The following FUT8 variants were observed in gnomAD, a reference collection of about 807,000 sequenced individuals.
FUT8 encodes fucosyltransferase 8.
In FUT8, 29 loss-of-function variants were observed where a neutral mutation model predicts 71.3. The observed-to-expected ratio is 0.41, with a 90% CI of 0.30 to 0.55. The LOEUF (loss-of-function observed/expected upper bound fraction) is 0.55, where lower values mean the gene tolerates loss of function less well. Among genes scored for constraint, FUT8 ranks in the 20% least tolerant of loss-of-function variants. The probability of loss-of-function intolerance (pLI) is 0.34; values close to 1 mark genes in which losing one functional copy is unlikely to be tolerated. For synonymous variants in FUT8, 254 were observed against 239.3 expected, an observed-to-expected ratio of 1.06 and a Z score of -0.57; for missense variants, 544 against 702.1, an observed-to-expected ratio of 0.77 and a Z score of 2.55.
intron 10 of FUT8, among the ~76,000 whole-genome samples, chr14:65,736,679 A>G (rs932225885): frequency 1.3e-5 from 2 of 152,024 alleles, no homozygotes; most frequent in Non-Finnish European, 2.9e-5. Context: ...TTTCCTATAT[A>G]TGTCATAAGC....
At chr14:65,527,368 C>T (rs1883560517) in intron 2 of FUT8, among the ~76,000 whole-genome samples, 1 of 152,220 alleles carries the variant, frequency 6.6e-6, no homozygotes, top group South Asian at 2.1e-4. Context: ...GCTACTGAAG[C>T]TTGTGCATGT....
the FUT8 span, among the ~76,000 whole-genome samples, chr14:65,388,954 A>G: frequency 6.6e-6 from 1 of 151,466 alleles, no homozygotes; most frequent in Non-Finnish European, 1.5e-5. Flanking sequence ...ATATATATAA[A>G]TGAATATGTT....
Position 65,610,437 on chromosome 14 carries a change from T to C in FUT8, c.204-5541T>C, listed in dbSNP as rs571928126. Among the ~76,000 whole-genome samples, 153 of 151,582 alleles carry C rather than the reference T, an allele frequency of 1.0e-3. 3 individuals carry two copies. Among genetic ancestry groups the C allele is most frequent in the African/African-American group, 3.7e-3 (151 of 41,332 alleles). On this transcript the variant is annotated intron_variant, in intron 3 of 10. Coordinates refer to ENST00000673929, the MANE Select transcript of FUT8 (RefSeq NM_001371533.1). ...AAAGTTTCGCTCTTGTTGCCCTGGC[T>C]GGAGTGCAATGGCACAATCTCGGCT... is the stretch of plus-strand genomic sequence containing the variant.
At chr14:65,544,836 A>G (rs893747997) in intron 2 of FUT8, among the ~76,000 whole-genome samples, 3 of 152,162 alleles carry the variant, frequency 2.0e-5, no homozygotes, top group African/African-American at 7.2e-5. Context: ...AATATGAAGT[A>G]TGATAGATGA....
intron 2 of FUT8, among the ~76,000 whole-genome samples, chr14:65,546,787 T>C (rs1452916866): frequency 6.6e-6 from 1 of 150,724 alleles, no homozygotes; most frequent in Non-Finnish European, 1.5e-5. Flanking sequence ...TGTGTAGAAT[T>C]GTTGTTATAT....
chr14:65,652,495 A>G lies in FUT8; in HGVS notation c.598-16748A>G, dbSNP rs998560564. 5.9e-5 allele frequency among the ~76,000 whole-genome samples: 9 copies of G among 152,214 alleles called. No homozygotes were observed. The highest frequency in any genetic ancestry group is 1.9e-4 in the African/African-American group (8 of 41,452). On this transcript the variant is annotated intron_variant, in intron 6 of 10. Coordinates refer to ENST00000673929, the MANE Select transcript of FUT8 (RefSeq NM_001371533.1). The surrounding 1 kb of genome is among the most constrained non-coding windows in gnomAD (Gnocchi z 4.0). The stretch of plus-strand genomic sequence containing the variant: ...GACATGATGCTTTGGAGCTGTTACA[A>G]CCATCTTGTGACCATGAGGCATTCA...
chr14:65,669,514 G>A lies in FUT8; in HGVS notation c.835+34G>A, dbSNP rs377483707. The A allele has an allele frequency of 4.2e-6, 6 of 1,445,398 alleles. No homozygotes were observed. The highest frequency in any genetic ancestry group is 2.8e-5 in the African/African-American group (2 of 71,692). 89.5% of individuals were successfully genotyped at this position (1,445,398 alleles called of 1,614,324 possible). On this transcript the variant is annotated intron_variant, in intron 7 of 10. Coordinates refer to ENST00000673929, the MANE Select transcript of FUT8 (RefSeq NM_001371533.1). The surrounding 1 kb of genome is among the most constrained non-coding windows in gnomAD (Gnocchi z 4.5). Reference sequence around the variant, plus strand: ...CTTGTGCAGCATATGAGATCTCTGGGCTGTTTCACTCAATTACCAGATTAT... The same window carrying A: ...CTTGTGCAGCATATGAGATCTCTGGACTGTTTCACTCAATTACCAGATTAT...
At chr14:65,509,377 T>C (rs1307546877) in intron 2 of FUT8, among the ~76,000 whole-genome samples, 1 of 152,212 alleles carries the variant, frequency 6.6e-6, no homozygotes, top group Admixed American at 6.5e-5. Flanking sequence ...TGGTTCTTTC[T>C]GCTTAGGATG....
chr14:65,406,029 T>G (rs920304585), upstream of FUT8, among the ~76,000 whole-genome samples: 14 of 152,180 alleles, frequency 9.2e-5, no homozygotes, highest in Non-Finnish European at 1.5e-4. Flanking sequence ...ATAGGAAAGG[T>G]GGGTGCTGGC....
the FUT8 span, among the ~76,000 whole-genome samples, chr14:65,397,068 G>A: frequency 6.6e-6 from 1 of 152,296 alleles, no homozygotes; most frequent in Admixed American, 6.5e-5. The surrounding 1 kb of genome is among the most constrained non-coding windows in gnomAD (Gnocchi z 4.2). Context: ...TCTCCTCATA[G>A]TGGATAATTA....
At chr14:65,464,415 G>T (rs1167069950) in intron 2 of FUT8, among the ~76,000 whole-genome samples, 3 of 152,070 alleles carry the variant, frequency 2.0e-5, no homozygotes, top group Non-Finnish European at 4.4e-5. Context: ...GTGGTAAGAA[G>T]GGAAGTCCTT....
At chr14:65,696,340 G>A (rs934331853) in intron 7 of FUT8, among the ~76,000 whole-genome samples, 13 of 152,102 alleles carry the variant, frequency 8.5e-5, no homozygotes. Context: ...TAAATGGGTG[G>A]TTTTATTCTT....
At chr14:65,416,236 C>T (rs894347265) in intron 1 of FUT8, among the ~76,000 whole-genome samples, 5 of 151,082 alleles carry the variant, frequency 3.3e-5, no homozygotes, top group Admixed American at 6.6e-5. Flanking sequence ...TTTAAAAAAA[C>T]TTGAATAAGT....
chr14:65,425,508 T>C (rs1475073589), intron 1 of FUT8, among the ~76,000 whole-genome samples: 5 of 151,122 alleles, frequency 3.3e-5, no homozygotes, highest in Non-Finnish European at 7.4e-5. Context: ...ATGTTCTTTT[T>C]CCCCCTGGTT....
chr14:65,736,369 T>C (rs1415174607), intron 10 of FUT8, among the ~76,000 whole-genome samples: 2 of 151,386 alleles, frequency 1.3e-5, no homozygotes, highest in African/African-American at 2.4e-5. Flanking sequence ...TCAGACTGTA[T>C]GCGCTCACAT....
At chr14:65,524,437 T>TACAAAA (rs1883304913) in intron 2 of FUT8, among the ~76,000 whole-genome samples, 2 of 152,192 alleles carry the variant, frequency 1.3e-5, no homozygotes, top group Admixed American at 1.3e-4. Context: ...TCCTGAGACT[T>TACAAAA]TGCTGAAGTT....
chr14:65,592,384 G>A (rs569912529), intron 3 of FUT8, among the ~76,000 whole-genome samples: 1 of 151,944 alleles, frequency 6.6e-6, no homozygotes, highest in South Asian at 2.1e-4. Flanking sequence ...GGAATTAATT[G>A]TGTTCTCTCA....
chr14:65,431,526 T>C (rs1419919580), intron 1 of FUT8, among the ~76,000 whole-genome samples: 1 of 151,874 alleles, frequency 6.6e-6, no homozygotes, highest in East Asian at 1.9e-4. Context: ...TTGCCTGGGC[T>C]GGTCTTGAAC....
intron 7 of FUT8, among the ~76,000 whole-genome samples, chr14:65,693,362 T>G (rs1310780117): frequency 1.3e-5 from 2 of 151,994 alleles, no homozygotes; most frequent in Admixed American, 1.3e-4. Flanking sequence ...CGAAAACCAG[T>G]CAGGCGTGGC....
Sources: gnomAD v4.1 joint callset for allele counts (sites outside exome capture counted in the v4.1 genomes callset) on GRCh38, gnomAD v4.1.1 for gene constraint, Gnocchi (gnomAD v3.1) non-coding constraint, MANE v1.5 for transcripts, NCBI Gene and HGNC (gene_info 2026-07-23, HGNC 2026-07-21) for gene names.